Variants in PUM1 observed in about 807,000 individuals in gnomAD.
The protein encoded by PUM1 is pumilio RNA binding family member 1.
In PUM1, 13 loss-of-function variants were observed where a neutral mutation model predicts 131.8. The ratio of observed to expected loss-of-function variants is 0.10; its 90% confidence interval spans 0.06 to 0.16. The LOEUF (loss-of-function observed/expected upper bound fraction) is 0.16, where lower values mean the gene tolerates loss of function less well. Among genes scored for constraint, PUM1 ranks in the 10% least tolerant of loss-of-function variants. PUM1 has a pLI of 1.00. For synonymous variants in PUM1, 509 were observed against 556.5 expected (o/e 0.91, Z 1.20); for missense variants, 961 against 1,512.4 (o/e 0.64, Z 6.05).
At chr1:31,044,408 A>G (rs547117463) in intron 2 of PUM1, among the ~76,000 whole-genome samples, 31 of 152,244 alleles carry the variant, frequency 2.0e-4, no homozygotes, top group African/African-American at 7.0e-4. Context: ...TAAAAAATAA[A>G]AAATAAAAAT....
Position 31,028,857 on chromosome 1 carries a change from G to A in PUM1, c.371C>T (p.Ser124Phe). Reference sequence around the variant, plus strand: ...AAAATCATGATTCAGTTCATCCATGGAACGCACCTATTGTTTAGAATAGAG... The same window carrying A: ...AAAATCATGATTCAGTTCATCCATGAAACGCACCTATTGTTTAGAATAGAG... ...DNIHAEHQVR[S>F]MDELNHDFQA... is the part of the protein sequence containing the mutation. The change falls in exon 3 of 22, where the codon TCC (serine) becomes TTC (phenylalanine). Residue 124 changes from serine (S) to phenylalanine (F), a missense_variant. Around this residue, in one of 4 missense-constraint regions of PUM1, gnomAD observed 654 missense variants for 923.9 expected, o/e 0.71. Coordinates refer to ENST00000426105, the MANE Select transcript of PUM1 (RefSeq NM_001020658.2). 1 of 1,613,430 alleles carries A rather than the reference G, an allele frequency of 6.2e-7. No individual in the cohort carries two copies. Among genetic ancestry groups the A allele is most frequent in the Non-Finnish European group, 8.5e-7 (1 of 1,179,496 alleles).
chr1:30,982,521 G>A (rs1307567579), intron 7 of PUM1, among the ~76,000 whole-genome samples: 1 of 152,206 alleles, frequency 6.6e-6, no homozygotes, highest in Non-Finnish European at 1.5e-5. Context: ...GACCTCCCTG[G>A]ATAGGACCTT....
intron 2 of PUM1, among the ~76,000 whole-genome samples, chr1:31,032,549 T>G (rs1041553149): frequency 1.4e-5 from 2 of 143,984 alleles, no homozygotes; most frequent in African/African-American, 5.2e-5. Flanking sequence ...CAGGCTGGAG[T>G]GCAGTGGCGT....
chr1:30,943,835 C>T (rs1639560759), intron 18 of PUM1, among the ~76,000 whole-genome samples: 1 of 152,116 alleles, frequency 6.6e-6, no homozygotes, highest in South Asian at 2.1e-4. Context: ...TTATTTGTGG[C>T]TTAATTTTGC....
chr1:30,978,245 T>A (rs188867144), intron 9 of PUM1, among the ~76,000 whole-genome samples: 212 of 152,056 alleles, frequency 1.4e-3, no homozygotes, highest in Non-Finnish European at 2.1e-3. Flanking sequence ...CAAGACTCAG[T>A]CTCAAAAAAA....
At chr1:31,049,332 A>G (rs1438917967) in intron 2 of PUM1, among the ~76,000 whole-genome samples, 1 of 152,178 alleles carries the variant, frequency 6.6e-6, no homozygotes, top group Non-Finnish European at 1.5e-5. Flanking sequence ...CCTGGCCAAC[A>G]TGGTGAAACC....
At chr1:30,960,076 C>T (rs78242828) in intron 14 of PUM1, among the ~76,000 whole-genome samples, 2,003 of 152,222 alleles carry the variant, frequency 0.013, 50 homozygotes, top group African/African-American at 0.046. Context: ...ACTTTACCTC[C>T]ACCCCCTGCC....
intron 2 of PUM1, among the ~76,000 whole-genome samples, chr1:31,047,840 G>A (rs894616796): frequency 2.0e-5 from 3 of 152,204 alleles, no homozygotes; most frequent in Non-Finnish European, 2.9e-5. Context: ...TACTGGGGAG[G>A]CTGAGGCATT....
chr1:30,951,939 G>A (rs995519813), intron 16 of PUM1, among the ~76,000 whole-genome samples: 18 of 152,166 alleles, frequency 1.2e-4, no homozygotes, highest in African/African-American at 2.9e-4. Context: ...TAAGTGACAC[G>A]TTTTGTGAAA....
intron 15 of PUM1, 133 bp from the exon 16 acceptor site, chr1:30,952,496 T>A: frequency 7.7e-7 from 1 of 1,302,000 alleles, no homozygotes; most frequent in East Asian, 2.5e-5. Flanking sequence ...ATGCACACAA[T>A]AAACCAAACT....
chr1:31,033,425 G>A (rs902601068), intron 2 of PUM1, among the ~76,000 whole-genome samples: 2 of 128,486 alleles, frequency 1.6e-5, no homozygotes, highest in East Asian at 2.8e-4. Context: ...TCGCTCTGTC[G>A]CCCAGGCCGG....
intron 4 of PUM1, 43 bp from the exon 5 acceptor site, chr1:31,006,074 C>A (rs1642392441): frequency 6.7e-7 from 1 of 1,488,234 alleles, no homozygotes; most frequent in Non-Finnish European, 9.0e-7. Flanking sequence ...CAGCCAGAGG[C>A]TCAAACAAAT....
At chr1:30,991,957 T>C (rs1326446433) in intron 7 of PUM1, among the ~76,000 whole-genome samples, 1 of 152,212 alleles carries the variant, frequency 6.6e-6, no homozygotes, top group Non-Finnish European at 1.5e-5. Context: ...GTAACTTGTT[T>C]AACTGTAAGA....
chr1:31,050,351 G>A (rs775144062), intron 2 of PUM1, among the ~76,000 whole-genome samples: 1 of 152,042 alleles, frequency 6.6e-6, no homozygotes, highest in Non-Finnish European at 1.5e-5. Flanking sequence ...CAGGCATGGT[G>A]GTACACCCCT....
intron 3 of PUM1, 136 bp downstream of exon 3, chr1:31,028,660 G>C: frequency 1.3e-6 from 1 of 790,776 alleles, no homozygotes; most frequent in Non-Finnish European, 2.2e-6. Flanking sequence ...CCAGCATCCC[G>C]TTCCTATCAT....
At chr1:31,040,996 A>C (rs536068253) in intron 2 of PUM1, among the ~76,000 whole-genome samples, 1 of 152,310 alleles carries the variant, frequency 6.6e-6, no homozygotes, top group Non-Finnish European at 1.5e-5. Context: ...GCCAGTGAGA[A>C]GACTACTGAA....
chr1:31,020,402 A>G (rs1266428546), intron 3 of PUM1, among the ~76,000 whole-genome samples: 1 of 152,234 alleles, frequency 6.6e-6, no homozygotes, highest in African/African-American at 2.4e-5. Context: ...TATTTTGACT[A>G]CATGGTTTGA....
At chr1:30,979,750 T>A (rs937137295) in intron 9 of PUM1, among the ~76,000 whole-genome samples, 15 of 152,112 alleles carry the variant, frequency 9.9e-5, no homozygotes, top group African/African-American at 3.6e-4. Flanking sequence ...CTGAACTATA[T>A]GATAGACTAG....
intron 14 of PUM1, among the ~76,000 whole-genome samples, chr1:30,956,836 C>T (rs765634080): frequency 6.6e-6 from 1 of 152,058 alleles, no homozygotes; most frequent in African/African-American, 2.4e-5. Flanking sequence ...ACAAGACAAA[C>T]CAACCCTGAA....
Sources: gnomAD v4.1 joint callset for allele counts (sites outside exome capture counted in the v4.1 genomes callset) on GRCh38, gnomAD v4.1.1 for gene constraint, gnomAD v4.1.1 regional missense constraint, MANE v1.5 for transcripts, NCBI Gene and HGNC (gene_info 2026-07-23, HGNC 2026-07-21) for gene names.